The following ALK variants were observed in gnomAD, a reference collection of about 807,000 sequenced individuals.
ALK encodes ALK tyrosine kinase receptor.
Under a neutral mutation model 163.1 loss-of-function variants are expected in ALK, and 74 were observed. The observed-to-expected ratio is 0.45, with a 90% CI of 0.38 to 0.55. The LOEUF (loss-of-function observed/expected upper bound fraction) is 0.55, where lower values mean the gene tolerates loss of function less well. ALK is among the 20% of genes least tolerant of loss of function. The pLI is 0.00. For synonymous variants in ALK, 960 were observed against 843.2 expected (o/e 1.14, Z -2.40); for missense variants, 2,063 against 2,105.3 (o/e 0.98, Z 0.39).
chr2:29,553,439 C>T (rs1558381343), intron 3 of ALK, among the ~76,000 whole-genome samples: 1 of 152,216 alleles, frequency 6.6e-6, no homozygotes, highest in Non-Finnish European at 1.5e-5. Context: ...GTTGTAGCAG[C>T]ACAAATCGAC....
intron 1 of ALK, among the ~76,000 whole-genome samples, chr2:29,788,718 A>T (rs1048436197): frequency 6.6e-6 from 1 of 152,196 alleles, no homozygotes; most frequent in African/African-American, 2.4e-5. Context: ...AGGACAGGTA[A>T]TCCCAGATTC....
intron 3 of ALK, among the ~76,000 whole-genome samples, chr2:29,679,953 T>G (rs1678012811): frequency 6.6e-6 from 1 of 152,052 alleles, no homozygotes; most frequent in African/African-American, 2.4e-5. Flanking sequence ...TTAGTTTTGC[T>G]TGATATCAAA....
At chr2:29,553,200 G>A (rs1673760647) in intron 3 of ALK, among the ~76,000 whole-genome samples, 1 of 152,138 alleles carries the variant, frequency 6.6e-6, no homozygotes, top group South Asian at 2.1e-4. Context: ...CCACCCTCAT[G>A]AATGAATTAG....
rs537846323 is a variant in ALK at position 29,211,608 on chromosome 2, A to G, written c.3744-1730T>C. 7.2e-5 allele frequency among the ~76,000 whole-genome samples: 11 copies of G among 152,370 alleles called. No homozygotes were observed. The South Asian group carries it at 2.3e-3, about 32-fold the overall frequency. ...GTTCCACTCTGAATTCCAAAAGCGTAAAAGTATACATGTGTGGAAGTCCAT... is the reference window on the plus strand; with the variant it reads ...GTTCCACTCTGAATTCCAAAAGCGTGAAAGTATACATGTGTGGAAGTCCAT... On this transcript the variant is annotated intron_variant, in intron 24 of 28. Coordinates refer to ENST00000389048, the MANE Select transcript of ALK (RefSeq NM_004304.5).
intron 3 of ALK, among the ~76,000 whole-genome samples, chr2:29,579,652 C>T (rs531936655): frequency 6.6e-6 from 1 of 152,288 alleles, no homozygotes; most frequent in East Asian, 1.9e-4. Context: ...TGAGGCTTCT[C>T]CAAGAGCACC....
intron 1 of ALK, among the ~76,000 whole-genome samples, chr2:29,771,604 G>A (rs979972763): frequency 5.3e-5 from 8 of 151,474 alleles, no homozygotes; most frequent in South Asian, 2.1e-4. Context: ...TCACGATCTC[G>A]ACTCACTGTA....
At chr2:29,865,955 C>A (rs1015772732) in intron 1 of ALK, among the ~76,000 whole-genome samples, 2 of 152,120 alleles carry the variant, frequency 1.3e-5, no homozygotes, top group South Asian at 4.1e-4. Context: ...GCAAGGGTCT[C>A]TGGGGATAGG....
chr2:29,903,433 C>T (rs1295029963), intron 1 of ALK, among the ~76,000 whole-genome samples: 2 of 152,208 alleles, frequency 1.3e-5, no homozygotes, highest in Non-Finnish European at 2.9e-5. Flanking sequence ...CTACGTCCCT[C>T]ATCTGAGACA....
rs149018788 is a variant in ALK at position 29,780,164 on chromosome 2, A to G, written c.668-62467T>C. ...TCTACACACTGCATTCATCTTGAAA[A>G]CAAAATTTTTGAGGGCCATTTTCAA... On this transcript the variant is annotated intron_variant, in intron 1 of 28. Coordinates refer to ENST00000389048, the MANE Select transcript of ALK (RefSeq NM_004304.5). Among the ~76,000 whole-genome samples, 749 of 152,294 alleles carry G rather than the reference A, an allele frequency of 4.9e-3. 10 individuals carry two copies. Among genetic ancestry groups the G allele is most frequent in the African/African-American group, 0.017 (696 of 41,556 alleles).
At chr2:29,913,855 G>C (rs1572496851) in intron 1 of ALK, among the ~76,000 whole-genome samples, 1 of 151,696 alleles carries the variant, frequency 6.6e-6, no homozygotes, top group Non-Finnish European at 1.5e-5. Flanking sequence ...TTCTCCACTT[G>C]GCAATGAAGG....
At chr2:29,784,140 A>G (rs1168006879) in intron 1 of ALK, among the ~76,000 whole-genome samples, 1 of 152,192 alleles carries the variant, frequency 6.6e-6, no homozygotes, top group Non-Finnish European at 1.5e-5. Context: ...GAAATGAGGG[A>G]GCAAGGAGAT....
chr2:29,655,726 CT>C (rs1677165577), intron 3 of ALK, among the ~76,000 whole-genome samples: 1 of 152,168 alleles, frequency 6.6e-6, no homozygotes, highest in Non-Finnish European at 1.5e-5. Flanking sequence ...CATGGATTGC[CT>C]TTGAACAATT....
At chr2:29,871,705 C>G (rs1327723605) in intron 1 of ALK, among the ~76,000 whole-genome samples, 1 of 152,108 alleles carries the variant, frequency 6.6e-6, no homozygotes, top group African/African-American at 2.4e-5. Context: ...TCCCCTCCCC[C>G]ACAAAAATAC....
intron 1 of ALK, among the ~76,000 whole-genome samples, chr2:29,903,170 T>C (rs1028681127): frequency 6.6e-6 from 1 of 152,130 alleles, no homozygotes; most frequent in African/African-American, 2.4e-5. Context: ...TATAGAACCG[T>C]ACAAAGTCCT....
chr2:29,404,251 C>T (rs1450386549), intron 4 of ALK, among the ~76,000 whole-genome samples: 1 of 150,204 alleles, frequency 6.7e-6, no homozygotes. Context: ...TTGCAGTGAG[C>T]CCAGATCATG....
chr2:29,900,489 G>A (rs189943845), intron 1 of ALK, among the ~76,000 whole-genome samples: 1 of 152,320 alleles, frequency 6.6e-6, no homozygotes, highest in Non-Finnish European at 1.5e-5. Context: ...TTCCTAAATA[G>A]GCAAAACGTA....
intron 11 of ALK, among the ~76,000 whole-genome samples, chr2:29,271,814 C>T (rs992093276): frequency 6.6e-6 from 1 of 152,228 alleles, no homozygotes; most frequent in Admixed American, 6.5e-5. Flanking sequence ...CAGAAAATGG[C>T]AGACCTACCT....
At chr2:29,589,369 T>G (rs964070313) in intron 3 of ALK, among the ~76,000 whole-genome samples, 2 of 152,126 alleles carry the variant, frequency 1.3e-5, no homozygotes, top group Non-Finnish European at 2.9e-5. Context: ...ACAGGAGAAG[T>G]TGGAGGATCT....
chr2:29,248,394 C>T lies in ALK; in HGVS notation c.2204+2711G>A, dbSNP rs181878397. Among the ~76,000 whole-genome samples, 12 of 152,210 alleles carry T rather than the reference C, an allele frequency of 7.9e-5. No homozygotes were observed. In the East Asian group the frequency reaches 1.7e-3, roughly 22 times the overall value. On this transcript the variant is annotated intron_variant, in intron 12 of 28. Transcript: ENST00000389048. Reference sequence around the variant, plus strand: ...AGGGGAATTGCTTGAACCTGGGAGGCGGAAGTTGCAGTGAGCTGAGGTGGC... The same window carrying T: ...AGGGGAATTGCTTGAACCTGGGAGGTGGAAGTTGCAGTGAGCTGAGGTGGC...
Sources: gnomAD v4.1 joint callset for allele counts (sites outside exome capture counted in the v4.1 genomes callset) on GRCh38, gnomAD v4.1.1 for gene constraint, MANE v1.5 for transcripts, NCBI Gene and HGNC (gene_info 2026-07-23, HGNC 2026-07-21) for gene names.